The following NXF3 variants were observed in gnomAD, a reference collection of about 807,000 sequenced individuals.
NXF3 encodes TAP-like protein 3.
NXF3 carries 34 observed loss-of-function variants against 48.4 expected under a neutral mutation model. The ratio of observed to expected loss-of-function variants is 0.70; its 90% CI spans 0.53 to 0.93. The LOEUF (loss-of-function observed/expected upper bound fraction) is 0.93, where lower values mean the gene tolerates loss of function less well. Among genes scored for constraint, NXF3 ranks in the 40% least tolerant of loss-of-function variants. The probability of loss-of-function intolerance (pLI) is 0.00; values close to 1 mark genes in which losing one functional copy is unlikely to be tolerated. For missense variants in NXF3, 359 were observed against 406.1 expected (o/e 0.88, Z 1.00); for synonymous variants, 132 against 145.7 (o/e 0.91, Z 0.68).
intron 1 of NXF3, among the ~76,000 whole-genome samples, chrX:103,086,622 G>T (rs1922161922): frequency 9.3e-6 from 1 of 107,676 alleles, no homozygotes; most frequent in African/African-American, 3.4e-5. Context: ...TTCATTAAAA[G>T]AAATTAAACT....
At chrX:103,078,728 GA>G in intron 16 of NXF3, 96 bp from the exon 17 acceptor site, 1 of 1,155,897 alleles carries the variant, frequency 8.7e-7, no homozygotes, top group East Asian at 3.0e-5. Context: ...CACTCACACA[GA>G]AGGGGGCCAG....
intron 2 of NXF3, 91 bp from the exon 3 acceptor site, chrX:103,084,586 T>G: frequency 2.7e-6 from 3 of 1,131,512 alleles, no homozygotes; most frequent in Non-Finnish European, 3.6e-6. Context: ...ACAATGAAGT[T>G]AAATCAACCA....
chrX:103,086,145 T>C (rs1314931068), intron 1 of NXF3, among the ~76,000 whole-genome samples: 3 of 101,811 alleles, frequency 2.9e-5, no homozygotes, highest in Non-Finnish European at 4.1e-5. Context: ...ATTAGCTGGC[T>C]GGCGGTGGCT....
chrX:103,084,467 G>A lies in NXF3; in HGVS notation c.226C>T (p.Arg76Trp), dbSNP rs1922097273. Residue 76 changes from arginine (R) to tryptophan (W), a missense_variant, in exon 3 of 20, where the codon CGG becomes TGG. Physicochemically the swap from Arg to Trp is moderately radical, Grantham distance 101. Coordinates refer to ENST00000395065, the MANE Select transcript of NXF3 (RefSeq NM_022052.2). Reference protein sequence around the residue: ...YTPYTISPYNRKGSFRKQDQT... With the variant: ...YTPYTISPYNWKGSFRKQDQT... Reference sequence around the variant, plus strand: ...TCTTGTTTACGAAAACTGCCTTTCCGATTATAGGGTGAAATAGTATAGGGA... The same window carrying A: ...TCTTGTTTACGAAAACTGCCTTTCCAATTATAGGGTGAAATAGTATAGGGA... 5.0e-6 allele frequency: 6 copies of A among 1,211,452 alleles called. No homozygotes were observed. Among genetic ancestry groups the A allele is most frequent in the East Asian group, 5.9e-5 (2 of 33,840 alleles).
intron 10 of NXF3, 58 bp from the exon 11 acceptor site, chrX:103,080,274 C>T (rs915485555): frequency 3.2e-5 from 35 of 1,086,222 alleles, no homozygotes; most frequent in South Asian, 5.8e-5. Flanking sequence ...CAGAAAATTA[C>T]GGAAAAGGAT....
At chrX:103,092,819 C>T (rs1229040487) in intron 1 of NXF3, among the ~76,000 whole-genome samples, 177 bp downstream of exon 1, 3 of 112,607 alleles carry the variant, frequency 2.7e-5, no homozygotes, top group Non-Finnish European at 5.6e-5. Context: ...CTCCTCATAC[C>T]TCAAACCCTG....
intron 10 of NXF3, 96 bp from the exon 11 acceptor site, chrX:103,080,312 T>C: frequency 1.1e-6 from 1 of 909,120 alleles, no homozygotes; most frequent in East Asian, 3.1e-5. Flanking sequence ...AGATCAGAAA[T>C]CAGGTGTGAA....
intron 1 of NXF3, 23 bp downstream of exon 1, chrX:103,092,973 C>T: frequency 4.2e-6 from 5 of 1,204,245 alleles, no homozygotes; most frequent in Non-Finnish European, 5.6e-6. Flanking sequence ...CCTGAGACTC[C>T]AGCCTCATGC....
intron 1 of NXF3, chrX:103,087,169 G>A (rs1922177250): frequency 1.7e-6 from 1 of 597,324 alleles, no homozygotes; most frequent in Non-Finnish European, 2.7e-6. Flanking sequence ...ACGCTATGGA[G>A]CTCATCAGAC....
chrX:103,088,487 T>C (rs1245880616), intron 1 of NXF3: 2 of 1,019,739 alleles, frequency 2.0e-6, no homozygotes, highest in African/African-American at 3.7e-5. Flanking sequence ...AGCAAACTTA[T>C]TAAGCATTGA....
chrX:103,092,588 T>C (rs1033232878), intron 1 of NXF3, among the ~76,000 whole-genome samples: 4 of 112,699 alleles, frequency 3.5e-5, no homozygotes, highest in Non-Finnish European at 7.5e-5. Context: ...TTAAATGACA[T>C]AGAACACTGC....
chrX:103,082,182 C>T (rs746862609), intron 9 of NXF3, 73 bp downstream of exon 9: 1 of 670,294 alleles, frequency 1.5e-6, no homozygotes, highest in Non-Finnish European at 2.5e-6. Flanking sequence ...AAGACTAGTG[C>T]TGCCTCCTCC....
rs2269508 is a variant in NXF3, at chrX:103,081,784, T to C, written c.890+471A>G. 0.014 allele frequency: 1,711 copies of C among 119,508 alleles called. 82 individuals are homozygous for C. The East Asian group carries it at 0.18, about 13-fold the overall frequency. The allele number at this position is 119,508 out of a possible 1,213,427, so 9.8% of individuals were successfully genotyped here. ...TCAGTATGGGGCAGGGAAGCCCCCA[T>C]GCCAGCCTGGGACAGGAGAGGGGAC... On this transcript the variant is annotated intron_variant, in intron 9 of 19. Coordinates refer to ENST00000395065, the MANE Select transcript of NXF3 (RefSeq NM_022052.2).
At position 103,084,334 on chromosome X, in the gene NXF3, A is replaced by T. The variant is rs1306502077; in HGVS notation, c.351+8T>A. 2.5e-6 allele frequency: 3 copies of T among 1,210,345 alleles called. No homozygotes were observed. Reference sequence around the variant, plus strand: ...TGAACATTAGATCCACTTTGCCAGGACACTCACTGTGATCTTGAACCAGCT... The same window carrying T: ...TGAACATTAGATCCACTTTGCCAGGTCACTCACTGTGATCTTGAACCAGCT... On this transcript the variant is annotated splice_region_variant and intron_variant, in intron 3 of 19. Coordinates refer to ENST00000395065, the MANE Select transcript of NXF3 (RefSeq NM_022052.2).
Position 103,079,791 on chromosome X carries a change from T to C in NXF3, c.1132A>G (p.Ile378Val), listed in dbSNP as rs1338627266. Residue 378 changes from isoleucine (I) to valine (V), a missense_variant, in exon 13 of 20, where the codon ATT (isoleucine) becomes GTT (valine). Coordinates refer to ENST00000395065, the MANE Select transcript of NXF3 (RefSeq NM_022052.2). ...YHDEACFSLSIPFNPEDSAPS... is the reference protein window; with the variant it reads ...YHDEACFSLSVPFNPEDSAPS... The stretch of plus-strand genomic sequence containing the variant: ...GCTGAGTCCTCAGGATTGAAGGGAA[T>C]GCTCAGGGAGAAGCAGGCCTCATCG... 2.1e-5 allele frequency: 25 copies of C among 1,210,919 alleles called. No homozygotes were observed. The highest frequency in any genetic ancestry group is 4.4e-5 in the Admixed American group (2 of 45,945).
intron 17 of NXF3, 140 bp from the exon 18 acceptor site, chrX:103,077,886 C>G (rs1921911720): frequency 1.6e-6 from 1 of 639,759 alleles, no homozygotes; most frequent in Admixed American, 3.3e-5. Context: ...TGGCTGGTAC[C>G]CTCTAAACCT....
At chrX:103,084,191 C>G (rs1460813896) in intron 3 of NXF3, 151 bp downstream of exon 3, 3 of 646,780 alleles carry the variant, frequency 4.6e-6, no homozygotes, top group Non-Finnish European at 4.7e-6. Flanking sequence ...TGAATTTACT[C>G]TTAAGATGAT....
chrX:103,087,672 A>G (rs1922186536), intron 1 of NXF3: 3 of 1,025,900 alleles, frequency 2.9e-6, no homozygotes, highest in Non-Finnish European at 2.7e-6. Flanking sequence ...AAGAATATTC[A>G]TGCATATACA....
chrX:103,087,504 C>A, intron 1 of NXF3: 1 of 1,016,283 alleles, frequency 9.8e-7, no homozygotes, highest in Non-Finnish European at 1.4e-6. Flanking sequence ...AACAACTTCA[C>A]AATGAAACCT....
Sources: allele counts gnomAD v4.1 joint callset (sites outside exome capture counted in the v4.1 genomes callset), GRCh38; gene constraint gnomAD v4.1.1; transcripts MANE v1.5; gene names NCBI Gene and HGNC (gene_info 2026-07-23, HGNC 2026-07-21).